Variants in PKD2L2 observed in about 807,000 individuals in gnomAD.
PKD2L2 encodes the protein polycystin-2-like protein 2.
PKD2L2 carries 67 observed loss-of-function variants against 83.9 expected under a neutral mutation model. That is an observed-to-expected ratio of 0.80 (90% CI 0.66 to 0.98). The LOEUF (loss-of-function observed/expected upper bound fraction) is 0.98, where lower values mean the gene tolerates loss of function less well. Among genes scored for constraint, PKD2L2 ranks in the 50% least tolerant of loss-of-function variants. The probability of loss-of-function intolerance (pLI) is 0.00; values close to 1 mark genes in which losing one functional copy is unlikely to be tolerated. For synonymous variants in PKD2L2, 223 were observed against 237.8 expected (o/e 0.94, Z 0.57); for missense variants, 632 against 717.2 (o/e 0.88, Z 1.36).
chr5:137,941,070 T>C (rs1761620276), intron 14 of PKD2L2, among the ~76,000 whole-genome samples: 1 of 152,066 alleles, frequency 6.6e-6, no homozygotes. Context: ...CACGCCTGCC[T>C]AATTTTTTTT....
chr5:137,921,346 G>A (rs1166906688), intron 8 of PKD2L2, among the ~76,000 whole-genome samples: 1 of 132,938 alleles, frequency 7.5e-6, no homozygotes, highest in Admixed American at 8.3e-5. Flanking sequence ...GGGCGACAGA[G>A]TTTGACTGTC....
chr5:137,911,891 A>G (rs1252583152), intron 8 of PKD2L2, among the ~76,000 whole-genome samples: 1 of 152,176 alleles, frequency 6.6e-6, no homozygotes, highest in Non-Finnish European at 1.5e-5. Context: ...TCCACATGTA[A>G]GTGAGATCAT....
intron 12 of PKD2L2, among the ~76,000 whole-genome samples, chr5:137,930,482 C>T (rs1759775548): frequency 6.6e-6 from 1 of 151,812 alleles, no homozygotes; most frequent in African/African-American, 2.4e-5. Context: ...ACCAGCCTGA[C>T]CAACATGGTA....
chr5:137,919,563 A>G (rs1308513184), intron 8 of PKD2L2, among the ~76,000 whole-genome samples: 1 of 148,336 alleles, frequency 6.7e-6, no homozygotes, highest in Non-Finnish European at 1.5e-5. Context: ...CAGAAACACT[A>G]AAACAGAACC....
rs527837472 is a variant in PKD2L2, at chr5:137,915,610, G to A, written c.1329-6026G>A. On this transcript the variant is annotated intron_variant, in intron 8 of 14. Transcript: ENST00000508883. ...GCTAATTTTTGTATTTTTAGTAGAC[G>A]GGGTTTCACCATGTTGGTCAAGCTG... is the stretch of plus-strand genomic sequence containing the variant. Among the ~76,000 whole-genome samples, 56 of 151,524 alleles carry A rather than the reference G, an allele frequency of 3.7e-4. 1 individual carries two copies. The highest frequency in any genetic ancestry group is 1.9e-4 in the East Asian group (1 of 5,144).
intron 12 of PKD2L2, among the ~76,000 whole-genome samples, chr5:137,927,460 T>C (rs1387542655): frequency 1.1e-4 from 17 of 152,206 alleles, no homozygotes; most frequent in Non-Finnish European, 2.9e-5. Context: ...TAAAATGATA[T>C]GTCAAGTAAA....
At chr5:137,907,950 G>A (rs1387992231) in intron 7 of PKD2L2, 38 bp downstream of exon 7, 1 of 848,356 alleles carries the variant, frequency 1.2e-6, no homozygotes, top group Middle Eastern at 3.8e-4. Context: ...TACAAGCAGT[G>A]TAATAGCATA....
chr5:137,919,719 G>A (rs1758717248), intron 8 of PKD2L2, among the ~76,000 whole-genome samples: 2 of 152,112 alleles, frequency 1.3e-5, no homozygotes, highest in African/African-American at 4.8e-5. Flanking sequence ...GTATGATTTG[G>A]TCAGGTCTCA....
chr5:137,925,053 T>G lies in PKD2L2; in HGVS notation c.1565T>G (p.Val522Gly). 6.3e-7 allele frequency: 1 copy of G among 1,595,744 alleles called. No homozygotes were observed. ...GKMIKQSYKN[V>G]LEKFRLKKAQ... Reference sequence around the variant, plus strand: ...AATTATGCCCAGAGTTACAAAAATGTTCTCGAGAAATTCAGACTGAAGAAA... The same window carrying G: ...AATTATGCCCAGAGTTACAAAAATGGTCTCGAGAAATTCAGACTGAAGAAA... Residue 522 changes from valine to glycine, a missense_variant, in exon 11 of 15, where the codon GTT becomes GGT. By Grantham distance (109) the Val-to-Gly change is moderately radical (BLOSUM62 -3). Transcript: ENST00000508883.
At chr5:137,937,349 T>A (rs1760524456) in intron 14 of PKD2L2, among the ~76,000 whole-genome samples, 2 of 152,188 alleles carry the variant, frequency 1.3e-5, no homozygotes, top group Admixed American at 1.3e-4. Context: ...TTCCCAAAAA[T>A]AAAATACAGA....
At chr5:137,938,043 A>G (rs564354919) in intron 14 of PKD2L2, 2 of 152,260 alleles carry the variant, frequency 1.3e-5, no homozygotes, top group Admixed American at 1.3e-4. Context: ...GTGGACATAT[A>G]TATCTATATA....
rs774889310 is a variant in PKD2L2 at position 137,921,769 on chromosome 5, C to T, written c.1449+13C>T. ...CTTTGTCCTGCTGGTAAGAATAATA[C>T]ATATTCCTTTCATTTCTTACTTTTT... is the stretch of plus-strand genomic sequence containing the variant. On this transcript the variant is annotated intron_variant, in intron 9 of 14. Coordinates refer to ENST00000508883, the MANE Select transcript of PKD2L2 (RefSeq NM_001300921.2). 8 of 1,555,732 alleles carry T rather than the reference C, an allele frequency of 5.1e-6. No homozygotes were observed. In the South Asian group the frequency reaches 9.5e-5, roughly 18 times the overall value.
At chr5:137,891,906 G>C (rs960512506) in intron 2 of PKD2L2, among the ~76,000 whole-genome samples, 1 of 152,018 alleles carries the variant, frequency 6.6e-6, no homozygotes, top group African/African-American at 2.4e-5. Flanking sequence ...GTCTGGTCTC[G>C]AACTCCTGAT....
intron 5 of PKD2L2, among the ~76,000 whole-genome samples, chr5:137,905,173 C>T (rs1245066110): frequency 6.6e-6 from 1 of 152,130 alleles, no homozygotes. Flanking sequence ...AAGTTTTATG[C>T]TTATTCTGTT....
intron 12 of PKD2L2, among the ~76,000 whole-genome samples, chr5:137,930,900 T>C (rs1054187198): frequency 2.6e-5 from 4 of 151,938 alleles, no homozygotes; most frequent in Admixed American, 6.6e-5. Flanking sequence ...TTATAAACAA[T>C]AGTAGTAGTA....
chr5:137,940,233 AT>A (rs764498058), intron 14 of PKD2L2: 4 of 1,613,874 alleles, frequency 2.5e-6, no homozygotes, highest in Non-Finnish European at 3.4e-6. Flanking sequence ...TCTTATATGG[AT>A]TTTGAAGAAT....
At chr5:137,890,687 C>A in intron 2 of PKD2L2, 105 bp downstream of exon 2, 1 of 539,456 alleles carries the variant, frequency 1.9e-6, no homozygotes, top group Non-Finnish European at 3.3e-6. Flanking sequence ...TGTCAGGCTA[C>A]TAAAACTCAA....
chr5:137,898,789 T>G (rs1304367054), intron 4 of PKD2L2, among the ~76,000 whole-genome samples: 1 of 151,238 alleles, frequency 6.6e-6, no homozygotes, highest in Non-Finnish European at 1.5e-5. Context: ...TGGAGTGCGG[T>G]AGTGCAATCA....
rs1017185530 is a variant in PKD2L2, at chr5:137,921,752, T to C, written c.1445T>C (p.Leu482Pro). The C allele has an allele frequency of 3.7e-6, 6 of 1,601,600 alleles. No individual in the cohort carries two copies. Among genetic ancestry groups the C allele is most frequent in the East Asian group, 2.2e-5 (1 of 44,784 alleles). The change falls in exon 9 of 15, where the codon CTG (leucine) becomes CCG (proline). Residue 482 changes from leucine to proline, a missense_variant. Leu to Pro is a moderately conservative substitution (Grantham distance 98). Coordinates refer to ENST00000508883, the MANE Select transcript of PKD2L2 (RefSeq NM_001300921.2). ...TTCATCTTTTTTGTGTTCTTTGTCC[T>C]GCTGGTAAGAATAATACATATTCCT... Reference protein sequence around the residue: ...ITFIFFVFFVLLNMFLAIIND... With the variant: ...ITFIFFVFFVPLNMFLAIIND...
Sources: allele counts gnomAD v4.1 joint callset (sites outside exome capture counted in the v4.1 genomes callset), GRCh38; gene constraint gnomAD v4.1.1; transcripts MANE v1.5; gene names NCBI Gene and HGNC (gene_info 2026-07-23, HGNC 2026-07-21).